The following DIP2C variants were observed in gnomAD, a reference collection of about 807,000 sequenced individuals.
DIP2C encodes DIP2 acetate--CoA ligase C (putative).
DIP2C carries 33 observed loss-of-function variants against 192.4 expected under a neutral mutation model. The ratio of observed to expected loss-of-function variants is 0.17; its 90% confidence interval spans 0.13 to 0.23. DIP2C has a LOEUF of 0.23. DIP2C is among the 10% of genes least tolerant of loss of function. The pLI, the probability that DIP2C is intolerant of heterozygous loss-of-function variation, is 1.00. For missense variants in DIP2C, 1,537 were observed against 2,110.1 expected (o/e 0.73, Z 5.32); for synonymous variants, 979 against 864.1 (o/e 1.13, Z -2.33).
chr10:297,129 G>T (rs981978058), intron 32 of DIP2C, among the ~76,000 whole-genome samples: 13 of 151,878 alleles, frequency 8.6e-5, no homozygotes, highest in Non-Finnish European at 1.8e-4. Flanking sequence ...GGGAGGCAGA[G>T]GTTGCAGTGA....
At chr10:429,177 T>C (rs537152642) in intron 4 of DIP2C, among the ~76,000 whole-genome samples, 1 of 151,716 alleles carries the variant, frequency 6.6e-6, no homozygotes, top group South Asian at 2.1e-4. Flanking sequence ...TACTAAAAAA[T>C]CCTCCTGCTT....
In DIP2C at chr10:382,741, C is replaced by G; in HGVS notation, c.1897G>C (p.Ala633Pro). The part of the protein sequence containing the change: ...ANPWSISSCD[A>P]FLNVFQSKGL... Reference sequence around the variant, plus strand: ...TTACTTTGGAAGACATTGAGAAATGCATCGCAAGAAGAAATAGACCCTAGA... The same window carrying G: ...TTACTTTGGAAGACATTGAGAAATGGATCGCAAGAAGAAATAGACCCTAGA... The change falls in exon 17 of 37, where the codon GCA becomes CCA. Residue 633 changes from alanine (A) to proline (P), a missense_variant. Physicochemically the swap from Ala to Pro is conservative, Grantham distance 27. Around this residue, in one of 4 missense-constraint regions of DIP2C, gnomAD observed 677 missense variants for 989.9 expected, o/e 0.68. Coordinates refer to ENST00000280886, the MANE Select transcript of DIP2C (RefSeq NM_014974.3). The G allele has an allele frequency of 3.7e-6, 6 of 1,612,912 alleles. 1 individual carries two copies. Among genetic ancestry groups the G allele is most frequent in the Non-Finnish European group, 5.1e-6 (6 of 1,179,456 alleles).
At position 357,946 on chromosome 10, in the gene DIP2C, A is replaced by C. The variant is rs770602167; in HGVS notation, c.2795-9T>G. On this transcript the variant is annotated splice_polypyrimidine_tract_variant and intron_variant, in intron 22 of 36. Transcript: ENST00000280886. ...AGAGGCAGGGCCGATTTCTAGAAAGAAACAGAGACATGGCCATGAGGAAAC... is the reference window on the plus strand; with the variant it reads ...AGAGGCAGGGCCGATTTCTAGAAAGCAACAGAGACATGGCCATGAGGAAAC... The C allele has an allele frequency of 6.2e-7, 1 of 1,600,060 alleles. No homozygotes were observed. Among genetic ancestry groups the C allele is most frequent in the Non-Finnish European group, 8.6e-7 (1 of 1,168,654 alleles).
At chr10:467,291 A>T (rs1472646124) in intron 3 of DIP2C, among the ~76,000 whole-genome samples, 4 of 151,686 alleles carry the variant, frequency 2.6e-5, no homozygotes, top group African/African-American at 9.7e-5. Flanking sequence ...ACGAAAAACC[A>T]AACACCACAT....
intron 2 of DIP2C, among the ~76,000 whole-genome samples, chr10:474,505 C>T (rs956449192): frequency 1.3e-5 from 2 of 152,174 alleles, no homozygotes; most frequent in Non-Finnish European, 2.9e-5. Context: ...TCTTGGAGCC[C>T]CCGCCCCAGT....
At chr10:479,317 T>C (rs1182772409) in intron 2 of DIP2C, among the ~76,000 whole-genome samples, 1 of 149,514 alleles carries the variant, frequency 6.7e-6, no homozygotes, top group Non-Finnish European at 1.5e-5. Flanking sequence ...ACCCCATGAA[T>C]TCTCACACTG....
chr10:581,834 G>C (rs1046947120), intron 1 of DIP2C, among the ~76,000 whole-genome samples: 3 of 152,014 alleles, frequency 2.0e-5, no homozygotes, highest in African/African-American at 7.3e-5. Flanking sequence ...ACTGAGGTCC[G>C]AGTCCAAAAA....
intron 1 of DIP2C, among the ~76,000 whole-genome samples, chr10:632,256 C>T (rs1294685158): frequency 2.0e-5 from 3 of 152,210 alleles, no homozygotes; most frequent in Non-Finnish European, 2.9e-5. Flanking sequence ...GACAGGGAGG[C>T]GATGAAATGA....
At chr10:325,753 G>A (rs947744309) in intron 31 of DIP2C, among the ~76,000 whole-genome samples, 4 of 152,160 alleles carry the variant, frequency 2.6e-5, no homozygotes, top group African/African-American at 9.7e-5. Flanking sequence ...TTAGAAAAGG[G>A]TATTATTTTA....
At chr10:549,761 G>C (rs752013183) in intron 1 of DIP2C, among the ~76,000 whole-genome samples, 13 of 152,172 alleles carry the variant, frequency 8.5e-5, no homozygotes, top group Admixed American at 8.5e-4. Flanking sequence ...CTCGCAGCAA[G>C]TCCAGGTATT....
intron 6 of DIP2C, among the ~76,000 whole-genome samples, chr10:417,592 G>C (rs954556225): frequency 3.3e-5 from 5 of 152,024 alleles, no homozygotes; most frequent in African/African-American, 4.8e-5. Context: ...GCGCCTGTTG[G>C]AGCTAGGATA....
chr10:364,589 G>A lies in DIP2C; in HGVS notation c.2269-7C>T, dbSNP rs1959955108. 3.7e-6 allele frequency: 6 copies of A among 1,612,432 alleles called. No homozygotes were observed. Among genetic ancestry groups the A allele is most frequent in the African/African-American group, 1.3e-5 (1 of 74,904 alleles). On this transcript the variant is annotated splice_polypyrimidine_tract_variant and splice_region_variant and intron_variant, in intron 19 of 36. Coordinates refer to ENST00000280886, the MANE Select transcript of DIP2C (RefSeq NM_014974.3). Reference sequence around the variant, plus strand: ...AGCTTGTCATGGGAAACACCTGGGGGAAACAGCATCCATCAGGCCACTGTT... The same window carrying A: ...AGCTTGTCATGGGAAACACCTGGGGAAAACAGCATCCATCAGGCCACTGTT...
Position 439,602 on chromosome 10 carries a change from C to T in DIP2C, c.394+1269G>A, listed in dbSNP as rs749582998. On this transcript the variant is annotated intron_variant, in intron 4 of 36. Transcript: ENST00000280886. ...TCATGACACTGAATTCTGACCGTGG[C>T]GATAGAGCAAGACCCTGTCTCAAAA... 6.6e-5 allele frequency among the ~76,000 whole-genome samples: 10 copies of T among 151,962 alleles called. No homozygotes were observed. In the South Asian group the frequency reaches 8.3e-4, roughly 13 times the overall value.
At position 414,852 on chromosome 10, in the gene DIP2C, T is replaced by TTGTGTGTG. The variant is rs748231177; in HGVS notation, c.860-750_860-743dup. On this transcript the variant is annotated intron_variant, in intron 7 of 36. Coordinates refer to ENST00000280886, the MANE Select transcript of DIP2C (RefSeq NM_014974.3). ...TATATATATACACACACATATATATTTGTGTGTGTGTGTGTGTGTGTGTGT... is the reference window on the plus strand; with the variant it reads ...TATATATATACACACACATATATATTTGTGTGTGTGTGTGTGTGTGTGTGTGTGTGTGT... 3.7e-3 allele frequency among the ~76,000 whole-genome samples: 363 copies of TTGTGTGTG among 98,854 alleles called. 5 individuals carry two copies. The highest frequency in any genetic ancestry group is 0.012 in the African/African-American group (296 of 24,694). 64.9% of individuals were successfully genotyped at this position (98,854 alleles called of 152,430 possible).
chr10:430,881 A>AT (rs1292026387), intron 4 of DIP2C, among the ~76,000 whole-genome samples: 9 of 152,306 alleles, frequency 5.9e-5, no homozygotes, highest in African/African-American at 2.2e-4. Context: ...GATCTGTTTA[A>AT]TTTTTTTGAA....
intron 1 of DIP2C, among the ~76,000 whole-genome samples, chr10:676,731 G>A (rs1328867863): frequency 1.3e-5 from 2 of 152,040 alleles, no homozygotes; most frequent in Admixed American, 1.3e-4. Context: ...ATCTCTATGA[G>A]GAAAATAATA....
chr10:478,925 G>C (rs1014997603), intron 2 of DIP2C, among the ~76,000 whole-genome samples: 1 of 152,148 alleles, frequency 6.6e-6, no homozygotes, highest in Non-Finnish European at 1.5e-5. Context: ...GAGGAGGAGA[G>C]GAGGGCCAAG....
At position 666,907 on chromosome 10, in the gene DIP2C, C is replaced by T. The variant is rs909591617; in HGVS notation, c.85+22587G>A. Reference sequence around the variant, plus strand: ...CAAAATCAGAAGCAGCTAAGCTGACCCCCACCTCATGTGAAAGAGCCAGGC... The same window carrying T: ...CAAAATCAGAAGCAGCTAAGCTGACTCCCACCTCATGTGAAAGAGCCAGGC... On this transcript the variant is annotated intron_variant, in intron 1 of 36. Transcript: ENST00000280886. This position sits in a 1 kb window ranked among gnomAD's most constrained non-coding sequence, Gnocchi z 4.1. The T allele has an allele frequency of 1.3e-5, 2 of 152,374 alleles. No individual in the cohort carries two copies. The highest frequency in any genetic ancestry group is 2.9e-5 in the Non-Finnish European group (2 of 68,144). 9.4% of individuals were successfully genotyped at this position (152,374 alleles called of 1,614,324 possible). A position where few individuals can be genotyped will look rare whatever the true frequency, so the allele number is the denominator to read the frequency against.
chr10:464,658 T>C (rs577049694), intron 3 of DIP2C, among the ~76,000 whole-genome samples: 1 of 152,234 alleles, frequency 6.6e-6, no homozygotes, highest in Non-Finnish European at 1.5e-5. Flanking sequence ...TAAATCATGA[T>C]ACTATAAAGA....
Sources: allele counts gnomAD v4.1 joint callset (sites outside exome capture counted in the v4.1 genomes callset), GRCh38; gene constraint gnomAD v4.1.1; regional missense constraint gnomAD v4.1.1; non-coding constraint Gnocchi (gnomAD v3.1); transcripts MANE v1.5; gene names NCBI Gene and HGNC (gene_info 2026-07-23, HGNC 2026-07-21).